Variants in SHOX2 observed in about 807,000 individuals in gnomAD.
SHOX2 encodes SHOX homeobox 2.
SHOX2 carries 13 observed loss-of-function variants against 31.3 expected under a neutral mutation model. The ratio of observed to expected loss-of-function variants is 0.42; its 90% CI spans 0.27 to 0.66. The LOEUF (loss-of-function observed/expected upper bound fraction) is 0.66, where lower values mean the gene tolerates loss of function less well. Ranked by LOEUF, SHOX2 falls within the 30% of genes least tolerant of loss-of-function variation. The pLI, the probability that SHOX2 is intolerant of heterozygous loss-of-function variation, is 0.27. For synonymous variants in SHOX2, 244 were observed against 196.2 expected (o/e 1.24, Z -2.04); for missense variants, 473 against 443.0 (o/e 1.07, Z -0.61).
chr3:158,100,954 G>A (rs1713452565), intron 2 of SHOX2, among the ~76,000 whole-genome samples: 1 of 152,126 alleles, frequency 6.6e-6, no homozygotes, highest in African/African-American at 2.4e-5. Context: ...TAACTAAAAT[G>A]TAAATAAAAG....
intron 1 of SHOX2, 32 bp downstream of exon 1, chr3:158,105,647 G>A (rs1713852443): frequency 1.3e-6 from 2 of 1,508,238 alleles, no homozygotes; most frequent in South Asian, 1.2e-5. Context: ...GCGGGAAGGG[G>A]AACCGCTGCC....
rs1224120673 is a variant in SHOX2, at chr3:158,105,830, T to G, written c.195A>C (p.Gly65=). 2.8e-6 allele frequency: 4 copies of G among 1,453,578 alleles called. No individual in the cohort carries two copies. Among genetic ancestry groups the G allele is most frequent in the Admixed American group, 6.2e-5 (2 of 32,446 alleles). 90.0% of individuals were successfully genotyped at this position (1,453,578 alleles called of 1,614,324 possible). A position where few individuals can be genotyped will look rare whatever the true frequency, so the allele number is the denominator to read the frequency against. ...AVRAAGGGGG[G]GGGGGGGGGG... ...CTCCTCCGCCGCCGCCTCCGCCTCC[T>G]CCGCCGCCGCCTCCGCCGGCCGCCC... Residue 65 remains glycine (G), a synonymous_variant, in exon 1 of 5, where the codon GGA becomes GGC. Transcript: ENST00000483851.
In SHOX2 at chr3:158,105,878, G is replaced by T. The variant is rs561518286; in HGVS notation, c.147C>A (p.Asp49Glu). Residue 49 changes from aspartate (D) to glutamate (E), a missense_variant, in exon 1 of 5, where the codon GAC becomes GAA. Asp to Glu is a conservative substitution (Grantham distance 45, BLOSUM62 2). Transcript: ENST00000483851. ...EPTGCTEAGR[D>E]DRSSPAVRAA... Reference sequence around the variant, plus strand: ...CCCGGACTGCCGGGCTGCTGCGGTCGTCGCGGCCCGCCTCGGTGCAGCCGG... The same window carrying T: ...CCCGGACTGCCGGGCTGCTGCGGTCTTCGCGGCCCGCCTCGGTGCAGCCGG... The T allele has an allele frequency of 6.5e-7, 1 of 1,534,248 alleles. No homozygotes were observed. The highest frequency in any genetic ancestry group is 1.4e-5 in the African/African-American group (1 of 69,242).
Position 158,106,175 on chromosome 3 carries a change from G to T in SHOX2, c.-151C>A. On this transcript the variant is annotated 5_prime_UTR_variant, in exon 1 of 5. Transcript: ENST00000483851. ...GGAGAGGGAGGAGGAGAAAGAAGAA[G>T]AAAAAGAGGAGAAGAAAGAAGAAAG... The T allele has an allele frequency of 7.9e-7, 1 of 1,265,826 alleles. No individual in the cohort carries two copies. The allele number at this position is 1,265,826 out of a possible 1,614,324, so 78.4% of individuals were successfully genotyped here. A position where few individuals can be genotyped will look rare whatever the true frequency, so the allele number is the denominator to read the frequency against.
In SHOX2 at chr3:158,102,787, A is replaced by G. The variant is rs1713584210; in HGVS notation, c.446T>C (p.Leu149Pro). 6.2e-7 allele frequency: 1 copy of G among 1,613,918 alleles called. No homozygotes were observed. Among genetic ancestry groups the G allele is most frequent in the African/African-American group, 1.3e-5 (1 of 74,856 alleles). The change falls in exon 2 of 5, where the codon CTG becomes CCG. Residue 149 changes from leucine to proline, a missense_variant. Transcript: ENST00000483851. ...KQRRSRTNFT[L>P]EQLNELERLF... The stretch of plus-strand genomic sequence containing the variant: ...CCTCTCCAGCTCATTGAGTTGTTCC[A>G]GGGTGAAATTGGTCCGACTTCGCCT...
At chr3:158,101,083 C>T (rs1225109601) in intron 2 of SHOX2, among the ~76,000 whole-genome samples, 3 of 152,168 alleles carry the variant, frequency 2.0e-5, no homozygotes, top group Non-Finnish European at 2.9e-5. Context: ...TGGATGTTAC[C>T]TGCTTAAACT....
chr3:158,104,322 CTT>C (rs1318800091), intron 1 of SHOX2, among the ~76,000 whole-genome samples: 1 of 152,244 alleles, frequency 6.6e-6, no homozygotes, highest in Non-Finnish European at 1.5e-5. Context: ...AACTCCACCA[CTT>C]TACAAATTTA....
rs545401589 is a variant in SHOX2 at position 158,102,623 on chromosome 3, C to T, written c.555+55G>A. 834 of 1,495,044 alleles carry T rather than the reference C, an allele frequency of 5.6e-4. 1 individual carries two copies. Among genetic ancestry groups the T allele is most frequent in the Non-Finnish European group, 7.4e-4 (797 of 1,074,348 alleles). The allele number at this position is 1,495,044 out of a possible 1,614,324, so 92.6% of individuals were successfully genotyped here. A position where few individuals can be genotyped will look rare whatever the true frequency, so the allele number is the denominator to read the frequency against. On this transcript the variant is annotated intron_variant, in intron 2 of 4. Transcript: ENST00000483851. ...CCGAGTGTGTCCCCCAAGCCTCTTTCCAACCCCAGGCTCTCTCTGCTCCCT... is the reference window on the plus strand; with the variant it reads ...CCGAGTGTGTCCCCCAAGCCTCTTTTCAACCCCAGGCTCTCTCTGCTCCCT...
At chr3:158,103,939 T>G (rs1713678919) in intron 1 of SHOX2, 1 of 152,278 alleles carries the variant, frequency 6.6e-6, no homozygotes, top group African/African-American at 2.4e-5. Flanking sequence ...CTCCTCCCTT[T>G]AAAAACAGGA....
chr3:158,101,731 C>A (rs919141489), intron 2 of SHOX2, among the ~76,000 whole-genome samples: 1 of 152,124 alleles, frequency 6.6e-6, no homozygotes, highest in South Asian at 2.1e-4. Context: ...TGCAGATGTG[C>A]GGGCCTAAAA....
rs1227900947 is a variant in SHOX2, at chr3:158,105,361, G to T, written c.346+318C>A. 5.4e-5 allele frequency: 32 copies of T among 589,634 alleles called. No individual in the cohort carries two copies. The East Asian group carries it at 8.2e-4, about 15-fold the overall frequency. The allele number at this position is 589,634 out of a possible 1,614,324, so 36.5% of individuals were successfully genotyped here. On this transcript the variant is annotated intron_variant, in intron 1 of 4. Transcript: ENST00000483851. ...CCCGCGAACTTCCACGTCCGCCTGC[G>T]GGCCATCCGGGCTGCGGGCCCATCC...
In SHOX2 at chr3:158,097,925, G is replaced by A; in HGVS notation, c.*102C>T. On this transcript the variant is annotated 3_prime_UTR_variant, in exon 5 of 5. Transcript: ENST00000483851. ...TGGTCAGTGAGGCGGGAAGAGGGCC[G>A]GCTCCCGAGGTCTCAAAGGGGTAAC... 1 of 1,426,048 alleles carries A rather than the reference G, an allele frequency of 7.0e-7. No homozygotes were observed. The highest frequency in any genetic ancestry group is 9.4e-7 in the Non-Finnish European group (1 of 1,061,532). 88.3% of individuals were successfully genotyped at this position (1,426,048 alleles called of 1,614,324 possible).
intron 2 of SHOX2, 47 bp from the exon 3 acceptor site, chr3:158,100,358 A>G: frequency 2.0e-6 from 3 of 1,473,170 alleles, no homozygotes; most frequent in Non-Finnish European, 2.8e-6. Context: ...TGTTATGACT[A>G]AAAATTTTTT....
chr3:158,099,091 G>C (rs1188202980), intron 4 of SHOX2, among the ~76,000 whole-genome samples: 7 of 152,202 alleles, frequency 4.6e-5, no homozygotes, highest in Non-Finnish European at 8.8e-5. Flanking sequence ...CCCGGTCCAA[G>C]TCACTGGAGA....
Position 158,105,760 on chromosome 3 carries a change from C to T in SHOX2, c.265G>A (p.Gly89Arg). The stretch of plus-strand genomic sequence containing the variant: ...AGCTCCCGGACGGGAGAGCGCCCTC[C>T]TCCAGCTCCTCCGCCTGCTCCTCCT... ...GGGGAGGGAG[G>R]GRSPVRELDM... Residue 89 changes from glycine (G) to arginine (R), a missense_variant, in exon 1 of 5, where the codon GGA (glycine) becomes AGA (arginine). Around this residue, in one of 3 missense-constraint regions of SHOX2, gnomAD observed 276 missense variants for 230.0 expected, o/e 1.20. Transcript: ENST00000483851. The T allele has an allele frequency of 1.3e-6, 2 of 1,522,286 alleles. No homozygotes were observed. Among genetic ancestry groups the T allele is most frequent in the African/African-American group, 1.4e-5 (1 of 70,046 alleles). 94.3% of individuals were successfully genotyped at this position (1,522,286 alleles called of 1,614,324 possible).
rs774538182 is a variant in SHOX2 at position 158,100,266 on chromosome 3, G to T, written c.601C>A (p.Gln201Lys). The T allele has an allele frequency of 1.9e-5, 30 of 1,601,848 alleles. No individual in the cohort carries two copies. The highest frequency in any genetic ancestry group is 2.7e-5 in the African/African-American group (2 of 74,272). The change falls in exon 3 of 5, where the codon CAA becomes AAA. Residue 201 changes from glutamine to lysine, a missense_variant. Gln to Lys is a moderately conservative substitution (Grantham distance 53). Transcript: ENST00000483851. ...RRAKCRKQEN[Q>K]LHKGVLIGAA... ...ATAAGAAGCATACCTTTATGGAGTT[G>T]ATTTTCTTGTTTTCTACATTTAGCT... is the stretch of plus-strand genomic sequence containing the variant.
chr3:158,106,261 AG>A lies in SHOX2; in HGVS notation c.-238del. On this transcript the variant is annotated 5_prime_UTR_variant, in exon 1 of 5. Coordinates refer to ENST00000483851, the MANE Select transcript of SHOX2 (RefSeq NM_001163678.2). ...GAGGAGGAGGAGGAAGAAGAGGAAG[AG>A]GGGGAGAAGGGTGAAGAGGAGAGGG... 2.0e-6 allele frequency: 1 copy of A among 489,874 alleles called. No homozygotes were observed. The highest frequency in any genetic ancestry group is 3.4e-6 in the Non-Finnish European group (1 of 291,918). The allele number at this position is 489,874 out of a possible 1,614,324, so 30.3% of individuals were successfully genotyped here.
Position 158,105,860 on chromosome 3 carries a change from T to A in SHOX2, c.165A>T (p.Ala55=). ...CGCCGCCTCCGCCGGCCGCCCGGAC[T>A]GCCGGGCTGCTGCGGTCGTCGCGGC... The part of the protein sequence containing the change: ...EAGRDDRSSP[A]VRAAGGGGGG... Residue 55 remains alanine, a synonymous_variant, in exon 1 of 5, where the codon GCA becomes GCT. Coordinates refer to ENST00000483851, the MANE Select transcript of SHOX2 (RefSeq NM_001163678.2). The A allele has an allele frequency of 1.4e-6, 2 of 1,476,370 alleles. No homozygotes were observed. The highest frequency in any genetic ancestry group is 1.8e-6 in the Non-Finnish European group (2 of 1,118,772). The allele number at this position is 1,476,370 out of a possible 1,614,324, so 91.5% of individuals were successfully genotyped here.
intron 1 of SHOX2, 110 bp from the exon 2 acceptor site, chr3:158,102,996 G>A: frequency 3.8e-6 from 4 of 1,051,716 alleles, no homozygotes; most frequent in African/African-American, 1.6e-5. Flanking sequence ...CAGATTTGTC[G>A]CAAAAAAGAA....
Sources: gnomAD v4.1 joint callset for allele counts (sites outside exome capture counted in the v4.1 genomes callset) on GRCh38, gnomAD v4.1.1 for gene constraint, gnomAD v4.1.1 regional missense constraint, MANE v1.5 for transcripts, NCBI Gene and HGNC (gene_info 2026-07-23, HGNC 2026-07-21) for gene names.